Variants in CAST observed in about 807,000 individuals in gnomAD.
The protein encoded by CAST is calpastatin.
CAST carries 76 observed loss-of-function variants against 119.6 expected under a neutral mutation model. The ratio of observed to expected loss-of-function variants is 0.64; its 90% confidence interval spans 0.53 to 0.77. CAST has a LOEUF of 0.77. CAST is among the 30% of genes least tolerant of loss of function. The pLI, the probability that CAST is intolerant of heterozygous loss-of-function variation, is 0.00. For synonymous variants in CAST, 319 were observed against 331.6 expected, an observed-to-expected ratio of 0.96 and a Z score of 0.41; for missense variants, 953 against 946.5, an observed-to-expected ratio of 1.01 and a Z score of -0.09.
intron 31 of CAST, 47 bp downstream of exon 31, chr5:96,771,749 C>A: frequency 8.5e-7 from 1 of 1,180,360 alleles, no homozygotes; most frequent in South Asian, 1.3e-5. Context: ...TATCTTCTGC[C>A]AATTTATGTG....
intron 1 of CAST, among the ~76,000 whole-genome samples, chr5:96,548,946 G>A (rs560722432): frequency 6.6e-6 from 1 of 152,314 alleles, no homozygotes; most frequent in East Asian, 1.9e-4. Flanking sequence ...ACCAGGCCTG[G>A]CAAGCCTGAA....
rs1267067922 is a variant in CAST at position 96,561,796 on chromosome 5, G to GTTTTTTTGTTTTTT, written c.60+31923_60+31924insGTTTTTTTTTTTTT. Among the ~76,000 whole-genome samples, 66 of 97,416 alleles carry GTTTTTTTGTTTTTT rather than the reference G, an allele frequency of 6.8e-4. 1 individual carries two copies. Among genetic ancestry groups the GTTTTTTTGTTTTTT allele is most frequent in the African/African-American group, 1.3e-3 (33 of 25,996 alleles). The allele number at this position is 97,416 out of a possible 152,430, so 63.9% of individuals were successfully genotyped here. A position where few individuals can be genotyped will look rare whatever the true frequency, so the allele number is the denominator to read the frequency against. ...GTGTATTATATATATGTTTTTTTTT[G>GTTTTTTTGTTTTTT]TTTTTTTTTTTTTTGAGACGGAGTC... On this transcript the variant is annotated intron_variant, in intron 1 of 11. Transcript: ENST00000505143.
the CAST span, among the ~76,000 whole-genome samples, chr5:96,292,866 C>G: frequency 6.6e-6 from 1 of 152,190 alleles, no homozygotes; most frequent in Non-Finnish European, 1.5e-5. Flanking sequence ...TCACTTAAAG[C>G]CTGTATACAT....
the CAST span, among the ~76,000 whole-genome samples, chr5:95,970,925 G>A: frequency 1.3e-5 from 2 of 152,134 alleles, no homozygotes; most frequent in Admixed American, 6.5e-5. Flanking sequence ...GAAGTATAAG[G>A]TATAATTTGA....
At position 96,559,742 on chromosome 5, in the gene CAST, G is replaced by A. The variant is rs1410792854; in HGVS notation, c.60+29862G>A. ...ATGGAAGAACATTCCATGCTCATGG[G>A]TAGGAAGAATCAGTATCGTGAGAAT... On this transcript the variant is annotated intron_variant, in intron 1 of 11. Coordinates refer to the CAST transcript ENST00000505143. Among the ~76,000 whole-genome samples, 6 of 152,310 alleles carry A rather than the reference G, an allele frequency of 3.9e-5. No individual in the cohort carries two copies. In the South Asian group the frequency reaches 1.0e-3, roughly 26 times the overall value.
chr5:96,174,436 TC>T, the CAST span, among the ~76,000 whole-genome samples: 1 of 152,166 alleles, frequency 6.6e-6, no homozygotes, highest in Non-Finnish European at 1.5e-5. Context: ...CTTCCACTCC[TC>T]CGCAGACAGG....
the CAST span, among the ~76,000 whole-genome samples, chr5:96,463,058 G>C: frequency 1.3e-5 from 2 of 152,048 alleles, no homozygotes; most frequent in Non-Finnish European, 2.9e-5. Context: ...ACTGATACAC[G>C]TGATAACGTG....
At chr5:96,328,059 T>C in the CAST span, among the ~76,000 whole-genome samples, 1 of 152,226 alleles carries the variant, frequency 6.6e-6, no homozygotes, top group South Asian at 2.1e-4. Context: ...ACATGTAGCT[T>C]TGGTTGAAAT....
chr5:96,726,663 T>TA (rs1358220079), intron 4 of CAST, 131 bp from the exon 5 acceptor site: 1 of 596,548 alleles, frequency 1.7e-6, no homozygotes, highest in African/African-American at 1.9e-5. Context: ...CTTGGAGTTA[T>TA]ACACATATGC....
At chr5:96,296,628 C>T in the CAST span, among the ~76,000 whole-genome samples, 6 of 152,174 alleles carry the variant, frequency 3.9e-5, no homozygotes, top group South Asian at 1.2e-3. Flanking sequence ...TTTCATGATG[C>T]TAAAAATAGA....
the CAST span, among the ~76,000 whole-genome samples, chr5:95,993,122 A>G: frequency 1.3e-5 from 2 of 152,332 alleles, no homozygotes; most frequent in Middle Eastern, 6.8e-3. Context: ...AGCTTTACTT[A>G]TATGATCAAC....
At chr5:96,730,738 G>GCT (rs1374386489) in intron 8 of CAST, 42 bp from the exon 9 acceptor site, 1 of 1,401,728 alleles carries the variant, frequency 7.1e-7, no homozygotes, top group East Asian at 2.3e-5. Flanking sequence ...TAGCCATGCA[G>GCT]AGATACTTAG....
the CAST span, among the ~76,000 whole-genome samples, chr5:95,968,270 C>T: frequency 6.6e-6 from 1 of 152,088 alleles, no homozygotes; most frequent in African/African-American, 2.4e-5. Flanking sequence ...TAAAATGATC[C>T]ATTCAGCTTT....
the CAST span, chr5:96,399,902 T>A: frequency 7.9e-6 from 11 of 1,391,404 alleles, no homozygotes; most frequent in Non-Finnish European, 9.2e-6. Flanking sequence ...AACATAGTAA[T>A]GAAATTATGC....
Position 96,711,430 on chromosome 5 carries a change from G to A in CAST, c.211-11209G>A, listed in dbSNP as rs1303132125. 2.6e-5 allele frequency among the ~76,000 whole-genome samples: 4 copies of A among 152,278 alleles called. No homozygotes were observed. The South Asian group carries it at 8.3e-4, about 32-fold the overall frequency. On this transcript the variant is annotated intron_variant, in intron 3 of 31. Coordinates refer to ENST00000675179, the MANE Select transcript of CAST (RefSeq NM_001750.7). ...TATATAGTTTAGAGAAACTCTACAG[G>A]ATGTAGATTTTGAAAATAAATAGAA...
At chr5:96,429,832 C>G in the CAST span, among the ~76,000 whole-genome samples, 2 of 152,142 alleles carry the variant, frequency 1.3e-5, no homozygotes, top group African/African-American at 2.4e-5. Context: ...CTTGAGTTCA[C>G]AGTATATTCA....
the CAST span, among the ~76,000 whole-genome samples, chr5:96,330,906 A>C: frequency 6.6e-6 from 1 of 152,032 alleles, no homozygotes; most frequent in African/African-American, 2.4e-5. Flanking sequence ...TCAGGAGAGG[A>C]ATAAGGAAAG....
At chr5:96,009,303 T>A in the CAST span, among the ~76,000 whole-genome samples, 2 of 152,184 alleles carry the variant, frequency 1.3e-5, no homozygotes, top group Non-Finnish European at 2.9e-5. Flanking sequence ...GTAGAATGAT[T>A]TATTTTTCTT....
the CAST span, among the ~76,000 whole-genome samples, chr5:96,039,592 G>A: frequency 6.6e-6 from 1 of 152,056 alleles, no homozygotes. Context: ...TTTGCATATG[G>A]CTAGCCAGTT....
Sources: allele counts gnomAD v4.1 joint callset (sites outside exome capture counted in the v4.1 genomes callset), GRCh38; gene constraint gnomAD v4.1.1; transcripts MANE v1.5; gene names NCBI Gene and HGNC (gene_info 2026-07-23, HGNC 2026-07-21).